ACSS2: variants seen among roughly 807,000 people sequenced by gnomAD.
The protein encoded by ACSS2 is acyl-CoA synthetase short chain family member 2, also known as acetyl-coenzyme A synthetase, cytoplasmic.
A neutral mutation model predicts 90.6 loss-of-function variants in ACSS2; 58 were observed. That is an observed-to-expected ratio of 0.64 (90% CI 0.52 to 0.80). The LOEUF (loss-of-function observed/expected upper bound fraction) is 0.80. Ranked by LOEUF, ACSS2 falls within the 30% of genes least tolerant of loss-of-function variation. The probability of loss-of-function intolerance (pLI) is 0.00; values close to 1 mark genes in which losing one functional copy is unlikely to be tolerated. For missense variants in ACSS2, 759 were observed against 912.0 expected, an observed-to-expected ratio of 0.83 and a Z score of 2.16; for synonymous variants, 300 against 330.9, an observed-to-expected ratio of 0.91 and a Z score of 1.01.
chr20:34,900,166 C>CTTTTTT (rs34951413), intron 2 of ACSS2, among the ~76,000 whole-genome samples: 26 of 79,198 alleles, frequency 3.3e-4, no homozygotes, highest in Non-Finnish European at 4.7e-4. Flanking sequence ...CATGCCTGAC[C>CTTTTTT]TTTTTTTTTT....
chr20:34,876,596 G>T, upstream of ACSS2: 1 of 1,292,258 alleles, frequency 7.7e-7, no homozygotes, highest in Non-Finnish European at 9.9e-7. Flanking sequence ...TCTCAGTCCC[G>T]GCACCCGCCG....
In ACSS2 at chr20:34,927,307, C is replaced by T; in HGVS notation, c.*93C>T. ...GGAGTGCTGAGGGCCAGTGTTGACC[C>T]ACACTACCCTCCCTTGACCAGCTGT... is the stretch of plus-strand genomic sequence containing the variant. On this transcript the variant is annotated 3_prime_UTR_variant, in exon 18 of 18. Transcript: ENST00000360596. The surrounding 1 kb of genome is among the most constrained non-coding windows in gnomAD (Gnocchi z 4.2). 11 of 1,521,354 alleles carry T rather than the reference C, an allele frequency of 7.2e-6. No homozygotes were observed. The highest frequency in any genetic ancestry group is 9.9e-6 in the Non-Finnish European group (11 of 1,114,172). 94.2% of individuals were successfully genotyped at this position (1,521,354 alleles called of 1,614,324 possible). A position where few individuals can be genotyped will look rare whatever the true frequency, so the allele number is the denominator to read the frequency against.
chr20:34,913,034 C>A, intron 2 of ACSS2, 62 bp from the exon 3 acceptor site: 1 of 1,285,932 alleles, frequency 7.8e-7, no homozygotes, highest in South Asian at 1.2e-5. Flanking sequence ...ATGACTCTGC[C>A]TGTTTCTTGT....
At position 34,876,728 on chromosome 20, in the gene ACSS2, G is replaced by C. The variant is rs2079920949; in HGVS notation, c.83G>C (p.Ser28Thr). 6.9e-7 allele frequency: 1 copy of C among 1,445,622 alleles called. No individual in the cohort carries two copies. The highest frequency in any genetic ancestry group is 1.4e-5 in the South Asian group (1 of 72,806). 89.5% of individuals were successfully genotyped at this position (1,445,622 alleles called of 1,614,324 possible). A position where few individuals can be genotyped will look rare whatever the true frequency, so the allele number is the denominator to read the frequency against. ...GCTGGAGCCGGAGGCCGGGCGCGGAGTTGGTCTCCGCCGCCCGAGGTCAGC... is the reference window on the plus strand; with the variant it reads ...GCTGGAGCCGGAGGCCGGGCGCGGACTTGGTCTCCGCCGCCCGAGGTCAGC... ...EEAGAGGRARSWSPPPEVSRS... is the reference protein window; with the variant it reads ...EEAGAGGRARTWSPPPEVSRS... Residue 28 changes from serine to threonine, a missense_variant, in exon 1 of 18, where the codon AGT becomes ACT. Transcript: ENST00000360596.
At chr20:34,889,049 G>A (rs187375855) in intron 2 of ACSS2, among the ~76,000 whole-genome samples, 1 of 149,654 alleles carries the variant, frequency 6.7e-6, no homozygotes. Context: ...CTGTTGCCCA[G>A]GCTGGAATGC....
chr20:34,919,416 T>G lies in ACSS2; in HGVS notation c.835-19T>G. The G allele has an allele frequency of 1.9e-6, 3 of 1,613,712 alleles. No homozygotes were observed. The highest frequency in any genetic ancestry group is 2.5e-6 in the Non-Finnish European group (3 of 1,179,910). On this transcript the variant is annotated intron_variant, in intron 7 of 17. Coordinates refer to ENST00000360596, the MANE Select transcript of ACSS2 (RefSeq NM_018677.4). ...CCCATCTTGAGCTGTTCACAGTTCT[T>G]CCCTGCCCATCCCTGCAGATCTCAT...
chr20:34,879,151 G>T (rs1041555464), intron 1 of ACSS2, among the ~76,000 whole-genome samples: 10 of 151,756 alleles, frequency 6.6e-5, no homozygotes, highest in African/African-American at 2.2e-4. Context: ...TGATCCGCCC[G>T]CCTCGGCCTC....
intron 2 of ACSS2, among the ~76,000 whole-genome samples, chr20:34,902,168 A>G (rs964931848): frequency 6.6e-6 from 1 of 152,194 alleles, no homozygotes; most frequent in Non-Finnish European, 1.5e-5. Context: ...CCTATTATAT[A>G]CAAGGTTCTG....
At chr20:34,908,416 C>T (rs2080861396) in intron 2 of ACSS2, among the ~76,000 whole-genome samples, 2 of 152,160 alleles carry the variant, frequency 1.3e-5, no homozygotes, top group South Asian at 4.1e-4. Context: ...TCACTTGATG[C>T]TCCTTTTCCC....
In ACSS2 at chr20:34,921,837, G is replaced by T; in HGVS notation, c.1519G>T (p.Glu507Ter). ...APAILNESGE[E>*]LEGEAEGYLV... is the part of the protein sequence containing the mutation. ...TGCAATCCTGAATGAGTCCGGGGAA[G>T]AGTTGGAAGGTGAAGCTGAAGGTTA... The change falls in exon 13 of 18, where the codon GAG becomes TAG. Residue 507 changes from glutamate to a stop codon, truncating the protein, a stop_gained. Transcript: ENST00000360596. LOFTEE classifies it high-confidence loss of function. 6.2e-7 allele frequency: 1 copy of T among 1,614,082 alleles called. No individual in the cohort carries two copies.
intron 7 of ACSS2, among the ~76,000 whole-genome samples, chr20:34,916,419 C>T (rs75043565): frequency 1.1e-3 from 164 of 152,306 alleles, no homozygotes; most frequent in African/African-American, 3.7e-3. Flanking sequence ...CACATAGTAA[C>T]TACTCAATAA....
chr20:34,911,547 C>T (rs1198198026), intron 2 of ACSS2, among the ~76,000 whole-genome samples: 2 of 152,106 alleles, frequency 1.3e-5, no homozygotes, highest in East Asian at 3.9e-4. Context: ...TGGTCTTGAA[C>T]TCTTGGCCTC....
In ACSS2 at chr20:34,876,765, C is replaced by A. The variant is rs921087686; in HGVS notation, c.120C>A (p.His40Gln). The A allele has an allele frequency of 1.5e-5, 21 of 1,419,934 alleles. No homozygotes were observed. Among genetic ancestry groups the A allele is most frequent in the Non-Finnish European group, 1.9e-5 (20 of 1,077,780 alleles). The allele number at this position is 1,419,934 out of a possible 1,614,324, so 88.0% of individuals were successfully genotyped here. ...SPPPEVSRSA[H>Q]VPSLQRYREL... ...CGCCCGAGGTCAGCCGCTCCGCGCA[C>A]GTCCCCTCGCTGCAGCGCTACCGCG... is the stretch of plus-strand genomic sequence containing the variant. The change falls in exon 1 of 18, where the codon CAC becomes CAA. Residue 40 changes from histidine (H) to glutamine (Q), a missense_variant. His to Gln is a conservative substitution (Grantham distance 24). Coordinates refer to ENST00000360596, the MANE Select transcript of ACSS2 (RefSeq NM_018677.4).
rs1218133018 is a variant in ACSS2 at position 34,913,756 on chromosome 20, G to T, written c.574G>T (p.Ala192Ser). 6.2e-7 allele frequency: 1 copy of T among 1,613,942 alleles called. No individual in the cohort carries two copies. The change falls in exon 5 of 18, where the codon GCA becomes TCA. Residue 192 changes from alanine to serine, a missense_variant. By Grantham distance (99) the Ala-to-Ser change is moderately conservative. Transcript: ENST00000360596. Reference protein sequence around the residue: ...RIGALHSIVFAGFSSESLCER... With the variant: ...RIGALHSIVFSGFSSESLCER... ...CAGACTTTCTTCCCTTCCCTAGTTT[G>T]CAGGCTTCTCTTCAGAGTCTCTATG...
At chr20:34,905,054 A>G (rs2080763981) in intron 2 of ACSS2, among the ~76,000 whole-genome samples, 1 of 151,698 alleles carries the variant, frequency 6.6e-6, no homozygotes, top group African/African-American at 2.4e-5. Flanking sequence ...AGTAGCTGGG[A>G]CCATAGGCAT....
chr20:34,887,577 TA>T (rs1163968831), intron 2 of ACSS2, among the ~76,000 whole-genome samples: 3 of 151,364 alleles, frequency 2.0e-5, no homozygotes, highest in African/African-American at 2.4e-5. Flanking sequence ...CTGTCTCTAC[TA>T]AAAAATACAA....
At chr20:34,910,387 G>A (rs1006202328) in intron 2 of ACSS2, among the ~76,000 whole-genome samples, 1 of 152,164 alleles carries the variant, frequency 6.6e-6, no homozygotes, top group African/African-American at 2.4e-5. Context: ...GGTGGCTCAC[G>A]CCTGTAATCC....
In ACSS2 at chr20:34,918,320, G is replaced by T. The variant is rs528899526; in HGVS notation, c.835-1115G>T. 3.9e-5 allele frequency among the ~76,000 whole-genome samples: 6 copies of T among 152,322 alleles called. No homozygotes were observed. In the East Asian group the frequency reaches 9.6e-4, roughly 24 times the overall value. ...ATATAGCTAGGAAGTGGCAGAACTG[G>T]TATTGAAGTACACTGAAGATTTTGG... On this transcript the variant is annotated intron_variant, in intron 7 of 17. Coordinates refer to ENST00000360596, the MANE Select transcript of ACSS2 (RefSeq NM_018677.4).
intron 2 of ACSS2, among the ~76,000 whole-genome samples, chr20:34,894,196 A>T (rs998918249): frequency 6.6e-6 from 1 of 152,156 alleles, no homozygotes. Flanking sequence ...ACATATAGTG[A>T]GTTAGAGAAT....
Sources: allele counts gnomAD v4.1 joint callset (sites outside exome capture counted in the v4.1 genomes callset), GRCh38; gene constraint gnomAD v4.1.1; non-coding constraint Gnocchi (gnomAD v3.1); transcripts MANE v1.5; gene names NCBI Gene and HGNC (gene_info 2026-07-23, HGNC 2026-07-21).